The following ADAMTSL1 variants were observed in gnomAD, a reference collection of about 807,000 sequenced individuals.
ADAMTSL1 encodes the protein ADAMTS like 1.
In ADAMTSL1, 126 loss-of-function variants were observed where a neutral mutation model predicts 201.8. The ratio of observed to expected loss-of-function variants is 0.62; its 90% CI spans 0.54 to 0.72. The LOEUF (loss-of-function observed/expected upper bound fraction) is 0.72. Ranked by LOEUF, ADAMTSL1 falls within the 30% of genes least tolerant of loss-of-function variation. The pLI, the probability that ADAMTSL1 is intolerant of heterozygous loss-of-function variation, is 0.00. For synonymous variants in ADAMTSL1, 1,121 were observed against 903.4 expected (o/e 1.24, Z -4.32); for missense variants, 2,679 against 2,277.8 (o/e 1.18, Z -3.59).
chr9:18,508,013 G>C (rs7025447), intron 2 of ADAMTSL1, among the ~76,000 whole-genome samples: 32,224 of 151,750 alleles, frequency 0.21, 3,867 homozygotes, highest in African/African-American at 0.32. Flanking sequence ...GGACAAACCC[G>C]ATTTCTACTA....
chr9:18,100,596 A>C (rs990739380), intron 1 of ADAMTSL1, among the ~76,000 whole-genome samples: 1 of 151,562 alleles, frequency 6.6e-6, no homozygotes, highest in Non-Finnish European at 1.5e-5. Flanking sequence ...CCCCTCCCCT[A>C]TTTTTTTCTG....
intron 2 of ADAMTSL1, among the ~76,000 whole-genome samples, chr9:18,516,990 T>C (rs1818398651): frequency 6.6e-6 from 1 of 152,222 alleles, no homozygotes; most frequent in Admixed American, 6.5e-5. Context: ...AAATAATTCA[T>C]AAATTTCTAG....
chr9:18,430,680 C>G (rs1237520518), intron 2 of ADAMTSL1, among the ~76,000 whole-genome samples: 2 of 152,210 alleles, frequency 1.3e-5, no homozygotes, highest in Non-Finnish European at 1.5e-5. Context: ...ACCAGAGACA[C>G]TAAGCCAAGG....
intron 2 of ADAMTSL1, among the ~76,000 whole-genome samples, chr9:18,217,373 C>T (rs979195802): frequency 6.6e-6 from 1 of 152,066 alleles, no homozygotes; most frequent in Non-Finnish European, 1.5e-5. Flanking sequence ...TGGGTGCTTT[C>T]AGGCAAATGT....
At chr9:18,182,602 G>A (rs887105529) in intron 2 of ADAMTSL1, among the ~76,000 whole-genome samples, 5 of 152,322 alleles carry the variant, frequency 3.3e-5, no homozygotes, top group Admixed American at 2.0e-4. Flanking sequence ...GAGATAAATG[G>A]TTGAACTGCA....
intron 16 of ADAMTSL1, among the ~76,000 whole-genome samples, chr9:18,754,135 G>A (rs753499897): frequency 6.6e-6 from 1 of 152,098 alleles, no homozygotes; most frequent in African/African-American, 2.4e-5. Context: ...TTTACGTACC[G>A]TCTATGGCTG....
At chr9:18,900,471 T>G (rs957893692) in intron 26 of ADAMTSL1, among the ~76,000 whole-genome samples, 5 of 152,172 alleles carry the variant, frequency 3.3e-5, no homozygotes, top group African/African-American at 4.8e-5. Context: ...CAAAGATACA[T>G]GCATATGTAT....
At chr9:18,727,069 A>G (rs1422288927) in intron 15 of ADAMTSL1, among the ~76,000 whole-genome samples, 1 of 152,216 alleles carries the variant, frequency 6.6e-6, no homozygotes, top group African/African-American at 2.4e-5. Flanking sequence ...TTTATTATAC[A>G]CTAACAAAAT....
intron 2 of ADAMTSL1, among the ~76,000 whole-genome samples, chr9:18,259,955 C>G (rs919432761): frequency 6.6e-6 from 1 of 152,116 alleles, no homozygotes; most frequent in African/African-American, 2.4e-5. Context: ...TTAACTCATT[C>G]AAGGAGTTGG....
At chr9:18,209,033 G>A (rs1234625624) in intron 2 of ADAMTSL1, among the ~76,000 whole-genome samples, 1 of 152,138 alleles carries the variant, frequency 6.6e-6, no homozygotes, top group East Asian at 1.9e-4. Flanking sequence ...GCTATATAAA[G>A]GAAAATATTA....
chr9:18,093,681 A>G (rs532181791), intron 1 of ADAMTSL1, among the ~76,000 whole-genome samples: 5 of 152,338 alleles, frequency 3.3e-5, no homozygotes, highest in Non-Finnish European at 5.9e-5. Context: ...ACCAAGAAAT[A>G]GGCTCTCCTA....
At chr9:18,874,971 GT>G (rs1223148727) in intron 23 of ADAMTSL1, among the ~76,000 whole-genome samples, 1 of 151,822 alleles carries the variant, frequency 6.6e-6, no homozygotes, top group Non-Finnish European at 1.5e-5. Context: ...CAGAGTTTCT[GT>G]TTTTTCCTGG....
At chr9:18,178,751 C>T (rs1828302445) in intron 2 of ADAMTSL1, among the ~76,000 whole-genome samples, 1 of 152,146 alleles carries the variant, frequency 6.6e-6, no homozygotes, top group Non-Finnish European at 1.5e-5. Context: ...TGGGAGGCAC[C>T]CCCAAGCAGG....
At chr9:17,916,601 T>A (rs1017589064) in intron 1 of ADAMTSL1, among the ~76,000 whole-genome samples, 3 of 152,196 alleles carry the variant, frequency 2.0e-5, no homozygotes, top group Non-Finnish European at 2.9e-5. Flanking sequence ...TCTTTGTACT[T>A]CAAAAATCAG....
intron 20 of ADAMTSL1, among the ~76,000 whole-genome samples, chr9:18,801,739 A>G (rs1173483347): frequency 6.6e-6 from 1 of 152,134 alleles, no homozygotes; most frequent in Non-Finnish European, 1.5e-5. Context: ...TGATGTATAT[A>G]TACCATGTTT....
chr9:18,491,891 T>A (rs2131858627), intron 1 of ADAMTSL1, among the ~76,000 whole-genome samples: 1 of 152,284 alleles, frequency 6.6e-6, no homozygotes, highest in Admixed American at 6.5e-5. Context: ...GGACAGGTTC[T>A]TTTAGACAGT....
At chr9:18,632,968 A>G (rs987932572) in intron 5 of ADAMTSL1, among the ~76,000 whole-genome samples, 3 of 152,042 alleles carry the variant, frequency 2.0e-5, no homozygotes, top group Non-Finnish European at 4.4e-5. Flanking sequence ...TTGGGGGTGC[A>G]TGCTAATGTT....
chr9:18,681,889 C>G lies in ADAMTSL1; in HGVS notation c.1419C>G (p.Gly473=). 2 of 1,614,090 alleles carry G rather than the reference C, an allele frequency of 1.2e-6. No individual in the cohort carries two copies. The highest frequency in any genetic ancestry group is 8.5e-7 in the Non-Finnish European group (1 of 1,179,998). Residue 473 remains glycine, a synonymous_variant, in exon 12 of 29, where the codon GGC becomes GGG. Coordinates refer to ENST00000380548, the MANE Select transcript of ADAMTSL1 (RefSeq NM_001040272.6). Reference sequence around the variant, plus strand: ...ACCATCGAGGAATGCACACAGGAGGCTGTAGCCCAAAAACAAAGCCCCACA... The same window carrying G: ...ACCATCGAGGAATGCACACAGGAGGGTGTAGCCCAAAAACAAAGCCCCACA... ...CIDHRGMHTG[G]CSPKTKPHIK... is the part of the protein sequence containing the mutation.
intron 1 of ADAMTSL1, among the ~76,000 whole-genome samples, chr9:18,065,586 G>A (rs982704704): frequency 1.4e-4 from 22 of 152,128 alleles, no homozygotes; most frequent in African/African-American, 4.1e-4. Context: ...ATAAACACAG[G>A]GGTAATAAAA....
Sources: allele counts gnomAD v4.1 joint callset (sites outside exome capture counted in the v4.1 genomes callset), GRCh38; gene constraint gnomAD v4.1.1; transcripts MANE v1.5; gene names NCBI Gene and HGNC (gene_info 2026-07-23, HGNC 2026-07-21).